Variants in TJP1 observed in about 807,000 individuals in gnomAD.
The protein encoded by TJP1 is tight junction protein ZO-1.
In TJP1, 43 loss-of-function variants were observed where a neutral mutation model predicts 194.2. That is an observed-to-expected ratio of 0.22 (90% CI 0.17 to 0.29). The LOEUF (loss-of-function observed/expected upper bound fraction) is 0.29, where lower values mean the gene tolerates loss of function less well. Ranked by LOEUF, TJP1 falls within the 10% of genes least tolerant of loss-of-function variation. The pLI, the probability that TJP1 is intolerant of heterozygous loss-of-function variation, is 1.00. For synonymous variants in TJP1, 801 were observed against 779.0 expected (o/e 1.03, Z -0.47); for missense variants, 1,971 against 2,185.7 (o/e 0.90, Z 1.96).
At chr15:29,852,847 T>C (rs934005740) in intron 2 of TJP1, among the ~76,000 whole-genome samples, 1 of 151,292 alleles carries the variant, frequency 6.6e-6, no homozygotes, top group Non-Finnish European at 1.5e-5. Flanking sequence ...GAGGTTGCAG[T>C]GAGCCGAGAT....
At chr15:29,737,546 T>A (rs574452956) in intron 10 of TJP1, 132 bp from the exon 11 acceptor site, 10 of 916,046 alleles carry the variant, frequency 1.1e-5, no homozygotes, top group Admixed American at 9.4e-5. Flanking sequence ...TACCACTATT[T>A]TACTAAATAA....
chr15:29,811,480 A>T (rs1183271842), intron 1 of TJP1, among the ~76,000 whole-genome samples: 1 of 152,074 alleles, frequency 6.6e-6, no homozygotes. Context: ...AAGTACGGAT[A>T]AAACAAGTAG....
intron 2 of TJP1, among the ~76,000 whole-genome samples, chr15:29,949,694 TCC>T (rs2055554679): frequency 3.0e-5 from 1 of 33,514 alleles, no homozygotes; most frequent in Non-Finnish European, 6.2e-5. Flanking sequence ...CACCACCACC[TCC>T]ACCACCACCA....
Position 29,734,439 on chromosome 15 carries a change from T to A in TJP1, c.1408-57A>T, listed in dbSNP as rs901080960. The A allele has an allele frequency of 2.2e-5, 28 of 1,272,520 alleles. No homozygotes were observed. The East Asian group carries it at 6.3e-4, about 29-fold the overall frequency. The allele number at this position is 1,272,520 out of a possible 1,614,324, so 78.8% of individuals were successfully genotyped here. A position where few individuals can be genotyped will look rare whatever the true frequency, so the allele number is the denominator to read the frequency against. ...GCTGTTTAAGAATATGAAAATAACATACGCAGGACACAGATACTCTCAGTC... is the reference window on the plus strand; with the variant it reads ...GCTGTTTAAGAATATGAAAATAACAAACGCAGGACACAGATACTCTCAGTC... On this transcript the variant is annotated intron_variant, in intron 11 of 27. Coordinates refer to ENST00000614355, the MANE Select transcript of TJP1 (RefSeq NM_001330239.4).
At chr15:29,759,088 CT>C (rs2045832152) in intron 8 of TJP1, 1 of 152,186 alleles carries the variant, frequency 6.6e-6, no homozygotes, top group Non-Finnish European at 1.5e-5. Flanking sequence ...TTTTTACAAA[CT>C]TTAAAAAAGC....
intron 2 of TJP1, among the ~76,000 whole-genome samples, chr15:29,866,382 G>A (rs1051083803): frequency 6.6e-6 from 1 of 152,094 alleles, no homozygotes; most frequent in Admixed American, 6.5e-5. Flanking sequence ...AATAAACAGT[G>A]TGTTTTGTTT....
At chr15:29,759,430 A>T in intron 8 of TJP1, 1 of 152,214 alleles carries the variant, frequency 6.6e-6, no homozygotes, top group East Asian at 1.9e-4. Context: ...GATGACCGAG[A>T]CCAAGTTAAT....
chr15:29,716,233 C>T (rs2042553441), intron 23 of TJP1, among the ~76,000 whole-genome samples: 1 of 152,194 alleles, frequency 6.6e-6, no homozygotes, highest in Non-Finnish European at 1.5e-5. Flanking sequence ...TTCCCTCAAA[C>T]AGGATCCTCC....
At chr15:29,800,962 G>A (rs2048743409) in intron 1 of TJP1, among the ~76,000 whole-genome samples, 1 of 152,170 alleles carries the variant, frequency 6.6e-6, no homozygotes, top group South Asian at 2.1e-4. Context: ...GCTGAAATCA[G>A]TATTCAAGCT....
At chr15:29,725,391 G>C (rs1464961068) in intron 18 of TJP1, among the ~76,000 whole-genome samples, 2 of 152,156 alleles carry the variant, frequency 1.3e-5, no homozygotes, top group Admixed American at 6.5e-5. Context: ...TAAGCATGCA[G>C]CATGCACTGT....
intron 2 of TJP1, chr15:29,956,119 A>C: frequency 1.0e-6 from 1 of 977,884 alleles, no homozygotes; most frequent in South Asian, 2.5e-5. Flanking sequence ...ACCATTTCTA[A>C]AATTAAAAAA....
intron 1 of TJP1, chr15:29,821,476 G>C (rs573724339): frequency 6.8e-4 from 103 of 152,332 alleles, no homozygotes; most frequent in African/African-American, 2.4e-3. Flanking sequence ...AGGCTGAGTG[G>C]AGTGTTTTGC....
intron 2 of TJP1, among the ~76,000 whole-genome samples, chr15:29,796,374 C>T (rs2048409726): frequency 6.9e-6 from 1 of 144,122 alleles, no homozygotes; most frequent in South Asian, 2.2e-4. Context: ...TGCATTTCTA[C>T]ACAGTAACAA....
At chr15:29,937,676 G>A (rs948096739) in intron 2 of TJP1, among the ~76,000 whole-genome samples, 22 of 152,128 alleles carry the variant, frequency 1.4e-4, no homozygotes, top group African/African-American at 2.2e-4. Flanking sequence ...ATGCAGAGTC[G>A]TACTTCACAC....
intron 2 of TJP1, among the ~76,000 whole-genome samples, chr15:29,921,896 G>A (rs1204183948): frequency 6.6e-6 from 1 of 150,510 alleles, no homozygotes; most frequent in Non-Finnish European, 1.5e-5. Flanking sequence ...CCAGGCTGGA[G>A]TACAATGGCG....
intron 15 of TJP1, among the ~76,000 whole-genome samples, chr15:29,730,325 T>C (rs571097309): frequency 1.3e-5 from 2 of 152,180 alleles, no homozygotes; most frequent in Non-Finnish European, 2.9e-5. Flanking sequence ...CTCACACCTG[T>C]AATCCCAGCA....
chr15:29,861,320 T>G (rs1174046197), intron 2 of TJP1, among the ~76,000 whole-genome samples: 2 of 152,226 alleles, frequency 1.3e-5, no homozygotes, highest in Non-Finnish European at 2.9e-5. Context: ...CTATTGCTCT[T>G]CTTTTTGATT....
At chr15:29,768,818 T>C (rs969301355) in intron 4 of TJP1, among the ~76,000 whole-genome samples, 10 of 152,262 alleles carry the variant, frequency 6.6e-5, no homozygotes, top group South Asian at 2.1e-4. Context: ...TATGAAAAAT[T>C]TGGAATCAAA....
At chr15:29,821,810 G>A (rs2050379694) in intron 1 of TJP1, among the ~76,000 whole-genome samples, 192 bp downstream of exon 1, 1 of 146,822 alleles carries the variant, frequency 6.8e-6, no homozygotes, top group Non-Finnish European at 1.5e-5. Flanking sequence ...AGTGCGGCCC[G>A]CGCCGCCCCC....
Sources: allele counts gnomAD v4.1 joint callset (sites outside exome capture counted in the v4.1 genomes callset), GRCh38; gene constraint gnomAD v4.1.1; transcripts MANE v1.5; gene names NCBI Gene and HGNC (gene_info 2026-07-23, HGNC 2026-07-21).